CPNE8: variants seen among roughly 807,000 people sequenced by gnomAD.
CPNE8 encodes copine-8.
A neutral mutation model predicts 81.5 loss-of-function variants in CPNE8; 45 were observed. That is an observed-to-expected ratio of 0.55 (90% CI 0.44 to 0.71). The LOEUF is 0.71. Among genes scored for constraint, CPNE8 ranks in the 30% least tolerant of loss-of-function variants. The pLI is 0.00. For synonymous variants in CPNE8, 252 were observed against 226.3 expected (o/e 1.11, Z -1.02); for missense variants, 594 against 672.1 (o/e 0.88, Z 1.28).
At chr12:38,814,115 G>C (rs1252131516) in intron 6 of CPNE8, among the ~76,000 whole-genome samples, 1 of 151,964 alleles carries the variant, frequency 6.6e-6, no homozygotes, top group Admixed American at 6.6e-5. Flanking sequence ...GTGGGTCTGC[G>C]GGCTGTCAGG....
At chr12:38,845,751 A>C (rs1943547906) in intron 4 of CPNE8, among the ~76,000 whole-genome samples, 1 of 152,172 alleles carries the variant, frequency 6.6e-6, no homozygotes, top group African/African-American at 2.4e-5. Context: ...TATTCTAAAA[A>C]ATGGAAAATC....
At chr12:38,881,596 T>C (rs1307195563) in intron 1 of CPNE8, among the ~76,000 whole-genome samples, 1 of 152,240 alleles carries the variant, frequency 6.6e-6, no homozygotes, top group Non-Finnish European at 1.5e-5. Context: ...TTTCAACCTT[T>C]GCATGGGTGA....
chr12:38,839,972 T>C lies in CPNE8; in HGVS notation c.291-17A>G, dbSNP rs1238170145. ...ACATCATACCTAAAAGATTGAAATA[T>C]AAAACTCAAATTATTTCCACAAAAT... On this transcript the variant is annotated splice_polypyrimidine_tract_variant and intron_variant, in intron 4 of 19. Coordinates refer to ENST00000331366, the MANE Select transcript of CPNE8 (RefSeq NM_153634.3). 8 of 1,565,492 alleles carry C rather than the reference T, an allele frequency of 5.1e-6. No individual in the cohort carries two copies. In the East Asian group the frequency reaches 6.8e-5, roughly 13 times the overall value.
chr12:38,864,921 T>C (rs1943893388), intron 3 of CPNE8, among the ~76,000 whole-genome samples: 1 of 152,184 alleles, frequency 6.6e-6, no homozygotes, highest in Admixed American at 6.5e-5. Flanking sequence ...AAGAGTAGAA[T>C]GCCACACTAT....
upstream of CPNE8, chr12:38,905,820 A>G: frequency 2.0e-6 from 2 of 985,274 alleles, no homozygotes; most frequent in Middle Eastern, 1.0e-3. Context: ...GGCGGGGGAC[A>G]CACTCCGTGA....
At chr12:38,660,329 A>T (rs1467279154) in intron 19 of CPNE8, among the ~76,000 whole-genome samples, 4 of 152,200 alleles carry the variant, frequency 2.6e-5, no homozygotes, top group Admixed American at 2.0e-4. Flanking sequence ...CAACCATCTG[A>T]TCTTTGACAA....
intron 6 of CPNE8, among the ~76,000 whole-genome samples, chr12:38,794,177 G>A (rs763136403): frequency 2.2e-4 from 34 of 152,124 alleles, no homozygotes; most frequent in Admixed American, 6.5e-4. Context: ...TACAGGCAAC[G>A]AAAAGCAAAA....
chr12:38,790,963 T>C (rs761711829), intron 6 of CPNE8, among the ~76,000 whole-genome samples: 6 of 151,736 alleles, frequency 4.0e-5, no homozygotes, highest in Non-Finnish European at 8.9e-5. Flanking sequence ...CTTTATACTT[T>C]TGCTTCAATT....
At chr12:38,777,114 A>G (rs1941953571) in intron 6 of CPNE8, among the ~76,000 whole-genome samples, 1 of 151,774 alleles carries the variant, frequency 6.6e-6, no homozygotes, top group African/African-American at 2.4e-5. Flanking sequence ...ATCACAGGAG[A>G]CAACAGCTCC....
intron 19 of CPNE8, among the ~76,000 whole-genome samples, chr12:38,660,242 G>T (rs932681355): frequency 2.6e-5 from 4 of 152,168 alleles, no homozygotes; most frequent in Non-Finnish European, 5.9e-5. Flanking sequence ...AACCAAAACA[G>T]CATGGTACTG....
intron 4 of CPNE8, among the ~76,000 whole-genome samples, chr12:38,841,985 C>G (rs1429348196): frequency 6.7e-6 from 1 of 149,522 alleles, no homozygotes; most frequent in Non-Finnish European, 1.5e-5. Context: ...TGTTTACCTA[C>G]ATAAATGAAT....
intron 18 of CPNE8, among the ~76,000 whole-genome samples, chr12:38,671,664 A>G (rs987216886): frequency 3.9e-5 from 6 of 152,136 alleles, no homozygotes; most frequent in Non-Finnish European, 8.8e-5. Flanking sequence ...GCCGCTTACA[A>G]TTATAATTTT....
rs1033451866 is a variant in CPNE8, at chr12:38,799,287, T to G, written c.408-22986A>C. ...CACACCTATTCCAAAATTGACCACA[T>G]ACTTGGAAGTAAAGCTCTCCTCAGC... On this transcript the variant is annotated intron_variant, in intron 6 of 19. Transcript: ENST00000331366. 7.2e-5 allele frequency among the ~76,000 whole-genome samples: 11 copies of G among 152,148 alleles called. No homozygotes were observed. In the South Asian group the frequency reaches 1.4e-3, roughly 20 times the overall value.
intron 11 of CPNE8, 61 bp downstream of exon 11, chr12:38,730,222 T>C: frequency 9.6e-7 from 1 of 1,043,954 alleles, no homozygotes; most frequent in East Asian, 2.4e-5. Context: ...GAATCCACAC[T>C]TTTAAAGCAC....
chr12:38,704,828 A>T (rs970486416), intron 13 of CPNE8, among the ~76,000 whole-genome samples: 1 of 45,474 alleles, frequency 2.2e-5, no homozygotes, highest in African/African-American at 5.0e-5. Flanking sequence ...ATGTATGTGT[A>T]TATATATATA....
chr12:38,723,449 C>T (rs1200124898), intron 13 of CPNE8, among the ~76,000 whole-genome samples: 1 of 152,028 alleles, frequency 6.6e-6, no homozygotes, highest in East Asian at 1.9e-4. Context: ...AGCTTTTCAC[C>T]TATATTACAA....
chr12:38,876,067 G>T (rs907157470), intron 1 of CPNE8, among the ~76,000 whole-genome samples: 1 of 152,158 alleles, frequency 6.6e-6, no homozygotes, highest in Admixed American at 6.5e-5. Context: ...AAAATATTGT[G>T]ATGTGGCTGT....
At chr12:38,694,268 A>G (rs1476034019) in intron 14 of CPNE8, among the ~76,000 whole-genome samples, 1 of 152,208 alleles carries the variant, frequency 6.6e-6, no homozygotes, top group African/African-American at 2.4e-5. Flanking sequence ...CTTCCTATAA[A>G]TAACTGAATA....
intron 7 of CPNE8, among the ~76,000 whole-genome samples, chr12:38,774,792 G>T (rs190058693): frequency 3.3e-5 from 5 of 152,100 alleles, no homozygotes; most frequent in African/African-American, 1.2e-4. Context: ...GCATGTTGGG[G>T]TATTTTTTAG....
Sources: allele counts gnomAD v4.1 joint callset (sites outside exome capture counted in the v4.1 genomes callset), GRCh38; gene constraint gnomAD v4.1.1; transcripts MANE v1.5; gene names NCBI Gene and HGNC (gene_info 2026-07-23, HGNC 2026-07-21).